FRMD4A: variants seen among roughly 807,000 people sequenced by gnomAD.
The protein encoded by FRMD4A is FERM domain-containing protein 4A.
A neutral mutation model predicts 129.1 loss-of-function variants in FRMD4A; 29 were observed. The ratio of observed to expected loss-of-function variants is 0.22; its 90% CI spans 0.17 to 0.31. The LOEUF is 0.31. Ranked by LOEUF, FRMD4A falls within the 10% of genes least tolerant of loss-of-function variation. FRMD4A has a pLI of 1.00. For missense variants in FRMD4A, 1,272 were observed against 1,375.8 expected, an observed-to-expected ratio of 0.92 and a Z score of 1.19; for synonymous variants, 634 against 571.6, an observed-to-expected ratio of 1.11 and a Z score of -1.56.
At chr10:14,200,349 A>G (rs1436279761) in intron 2 of FRMD4A, among the ~76,000 whole-genome samples, 2 of 140,162 alleles carry the variant, frequency 1.4e-5, no homozygotes, top group African/African-American at 4.9e-5. Context: ...GCTGGAGTGC[A>G]GTGGTGCAAT....
chr10:13,748,411 T>A (rs2091405601), intron 8 of FRMD4A, among the ~76,000 whole-genome samples: 1 of 152,186 alleles, frequency 6.6e-6, no homozygotes, highest in Non-Finnish European at 1.5e-5. Flanking sequence ...GATTCCAGAT[T>A]TTTTTCAGAT....
intron 4 of FRMD4A, among the ~76,000 whole-genome samples, chr10:13,799,056 T>C (rs1310382863): frequency 6.6e-6 from 1 of 152,194 alleles, no homozygotes; most frequent in African/African-American, 2.4e-5. Context: ...GGGGTCCTCC[T>C]CCGACCCTTA....
chr10:14,221,015 G>A (rs1304834651), intron 2 of FRMD4A, among the ~76,000 whole-genome samples: 1 of 152,084 alleles, frequency 6.6e-6, no homozygotes, highest in Non-Finnish European at 1.5e-5. Flanking sequence ...GGATTGAGGA[G>A]CAGGAACCCT....
At chr10:14,080,211 C>T (rs2131731465) in intron 2 of FRMD4A, among the ~76,000 whole-genome samples, 1 of 152,256 alleles carries the variant, frequency 6.6e-6, no homozygotes, top group East Asian at 1.9e-4. Context: ...ACAAAGGCCC[C>T]CACTCTAGCC....
intron 2 of FRMD4A, among the ~76,000 whole-genome samples, chr10:14,100,351 A>G (rs1337147298): frequency 6.6e-6 from 1 of 152,154 alleles, no homozygotes; most frequent in African/African-American, 2.4e-5. Context: ...GGAAAAAAAC[A>G]CCTAGAAAAA....
intron 3 of FRMD4A, among the ~76,000 whole-genome samples, chr10:13,856,058 CTATG>C (rs1174691262): frequency 2.2e-5 from 3 of 136,990 alleles, no homozygotes; most frequent in Non-Finnish European, 3.2e-5. Flanking sequence ...ATCTATCTAT[CTATG>C]TATACATAGA....
chr10:14,111,945 A>G (rs116451764), intron 2 of FRMD4A, among the ~76,000 whole-genome samples: 55,582 of 130,700 alleles, frequency 0.43, 12,161 homozygotes, highest in East Asian at 0.58. Flanking sequence ...GGAAGGAAGG[A>G]AGGGAGGGAG....
intron 2 of FRMD4A, among the ~76,000 whole-genome samples, chr10:14,062,840 C>T (rs192098407): frequency 2.0e-5 from 3 of 152,248 alleles, no homozygotes; most frequent in South Asian, 2.1e-4. Flanking sequence ...GCAGTGAGAT[C>T]ATGCCATTGC....
intron 6 of FRMD4A, among the ~76,000 whole-genome samples, chr10:13,766,654 T>C (rs763524385): frequency 1.2e-4 from 19 of 152,152 alleles, no homozygotes; most frequent in Non-Finnish European, 2.6e-4. Flanking sequence ...CAATGTCACT[T>C]GTTCATGATA....
chr10:13,673,581 C>T lies in FRMD4A; in HGVS notation c.1251+1330G>A, dbSNP rs867754943. On this transcript the variant is annotated intron_variant, in intron 16 of 24. Transcript: ENST00000357447. ...CACAATGCACACATGTGCATGCGTGCGCGCGCGCACACACACACACACACA... is the reference window on the plus strand; with the variant it reads ...CACAATGCACACATGTGCATGCGTGTGCGCGCGCACACACACACACACACA... 4.3e-5 allele frequency among the ~76,000 whole-genome samples: 6 copies of T among 140,548 alleles called. No individual in the cohort carries two copies. The Middle Eastern group carries it at 0.011, about 247-fold the overall frequency. 92.2% of individuals were successfully genotyped at this position (140,548 alleles called of 152,430 possible).
At chr10:13,831,615 T>A (rs1275955528) in intron 3 of FRMD4A, among the ~76,000 whole-genome samples, 1 of 152,160 alleles carries the variant, frequency 6.6e-6, no homozygotes, top group African/African-American at 2.4e-5. Context: ...ACATCATATC[T>A]CCAACTTTCT....
chr10:13,865,756 G>A (rs2094359077), intron 2 of FRMD4A, among the ~76,000 whole-genome samples: 1 of 152,062 alleles, frequency 6.6e-6, no homozygotes, highest in Non-Finnish European at 1.5e-5. Context: ...TTATAGAAAT[G>A]TAATGCAGTT....
At chr10:13,886,812 C>T (rs958370885) in intron 2 of FRMD4A, among the ~76,000 whole-genome samples, 5 of 152,142 alleles carry the variant, frequency 3.3e-5, no homozygotes, top group Admixed American at 6.5e-5. Flanking sequence ...ACTCACTCAG[C>T]GATTTGCTTA....
chr10:13,890,709 G>T (rs1256883702), intron 2 of FRMD4A: 2 of 985,238 alleles, frequency 2.0e-6, no homozygotes, highest in African/African-American at 3.5e-5. Context: ...TCATAGGGGA[G>T]CCAGAGCCGC....
chr10:14,253,715 T>A (rs1844515831), intron 2 of FRMD4A, among the ~76,000 whole-genome samples: 1 of 152,198 alleles, frequency 6.6e-6, no homozygotes, highest in Non-Finnish European at 1.5e-5. Flanking sequence ...GAGAACATGG[T>A]CCATTTGCTC....
intron 2 of FRMD4A, among the ~76,000 whole-genome samples, chr10:14,043,041 A>G (rs1565207051): frequency 6.6e-6 from 1 of 152,090 alleles, no homozygotes; most frequent in Admixed American, 6.6e-5. Context: ...AAAAATCTAT[A>G]TATTTTCATC....
chr10:13,711,079 C>T (rs1187212117), intron 12 of FRMD4A, among the ~76,000 whole-genome samples: 2 of 152,132 alleles, frequency 1.3e-5, no homozygotes, highest in South Asian at 4.2e-4. Context: ...AGAACAGTAG[C>T]CTGATCTGAC....
At chr10:14,098,625 G>A (rs1837130874) in intron 2 of FRMD4A, among the ~76,000 whole-genome samples, 1 of 152,040 alleles carries the variant, frequency 6.6e-6, no homozygotes, top group South Asian at 2.1e-4. Context: ...GGCCAGGATG[G>A]TCTCAATCTC....
intron 2 of FRMD4A, chr10:14,087,554 T>C (rs1836362432): frequency 6.6e-6 from 1 of 152,212 alleles, no homozygotes; most frequent in East Asian, 1.9e-4. Context: ...AGAGCCAGTG[T>C]GTGCGGCTGA....
Sources: gnomAD v4.1 joint callset for allele counts (sites outside exome capture counted in the v4.1 genomes callset) on GRCh38, gnomAD v4.1.1 for gene constraint, MANE v1.5 for transcripts, NCBI Gene and HGNC (gene_info 2026-07-23, HGNC 2026-07-21) for gene names.